Variants in FBXO4 observed in about 807,000 individuals in gnomAD.
The protein encoded by FBXO4 is F-box only protein 4.
In FBXO4, 36 loss-of-function variants were observed where a neutral mutation model predicts 43.7. The observed-to-expected ratio is 0.82, with a 90% CI of 0.63 to 1.09. FBXO4 has a LOEUF of 1.09. FBXO4 is among the 50% of genes least tolerant of loss of function. The pLI is 0.00. For synonymous variants in FBXO4, 180 were observed against 165.6 expected (o/e 1.09, Z -0.67); for missense variants, 435 against 474.1 (o/e 0.92, Z 0.77).
the FBXO4 span, among the ~76,000 whole-genome samples, chr5:42,003,037 T>C: frequency 6.6e-6 from 1 of 152,222 alleles, no homozygotes; most frequent in East Asian, 1.9e-4. Flanking sequence ...GATATGTTTT[T>C]GTAACGTAAC....
At chr5:41,990,652 G>T in the FBXO4 span, among the ~76,000 whole-genome samples, 18 of 152,126 alleles carry the variant, frequency 1.2e-4, 1 homozygote, top group Admixed American at 7.2e-4. Flanking sequence ...ATTTTGGACA[G>T]CATTGTAGAT....
intron 3 of FBXO4, among the ~76,000 whole-genome samples, 160 bp from the exon 4 acceptor site, chr5:41,933,786 G>A (rs1296764063): frequency 6.6e-6 from 1 of 151,804 alleles, no homozygotes; most frequent in Non-Finnish European, 1.5e-5. Flanking sequence ...AGTTACATAC[G>A]GTATCTTTTC....
the FBXO4 span, among the ~76,000 whole-genome samples, chr5:41,984,294 G>A: frequency 3.5e-4 from 53 of 152,108 alleles, no homozygotes; most frequent in East Asian, 1.9e-4. Flanking sequence ...ATCTGATAAT[G>A]TTAGCTAGAT....
the FBXO4 span, among the ~76,000 whole-genome samples, chr5:41,958,113 A>C: frequency 4.0e-5 from 6 of 151,800 alleles, no homozygotes; most frequent in Non-Finnish European, 8.8e-5. Context: ...AGAATTCTTA[A>C]ATCTAGTCTG....
rs1168595257 is a variant in FBXO4 at position 41,925,364 on chromosome 5, G to T, written c.55G>T (p.Asp19Tyr). 8.0e-6 allele frequency: 11 copies of T among 1,374,360 alleles called. No homozygotes were observed. The highest frequency in any genetic ancestry group is 3.9e-5 in the Admixed American group (1 of 25,702). 85.1% of individuals were successfully genotyped at this position (1,374,360 alleles called of 1,614,324 possible). The change falls in exon 1 of 7, where the codon GAC becomes TAC. Residue 19 changes from aspartate to tyrosine, a missense_variant. Transcript: ENST00000281623. ...GTNSPPPPFS[D>Y]WGRLEAAILS... ...AAACTCGCCGCCGCCGCCCTTCAGCGACTGGGGCCGCCTGGAGGCGGCCAT... is the reference window on the plus strand; with the variant it reads ...AAACTCGCCGCCGCCGCCCTTCAGCTACTGGGGCCGCCTGGAGGCGGCCAT...
At chr5:41,986,164 T>C in the FBXO4 span, among the ~76,000 whole-genome samples, 1 of 152,128 alleles carries the variant, frequency 6.6e-6, no homozygotes, top group Non-Finnish European at 1.5e-5. Flanking sequence ...ATGCTTGAGG[T>C]AGTTCAAAGA....
the FBXO4 span, among the ~76,000 whole-genome samples, chr5:42,014,669 TAGAG>T: frequency 3.9e-5 from 6 of 152,122 alleles, no homozygotes; most frequent in African/African-American, 1.4e-4. Context: ...GCCTGGCCCT[TAGAG>T]AGCACACAAT....
chr5:41,950,068 G>A, the FBXO4 span, among the ~76,000 whole-genome samples: 1 of 152,150 alleles, frequency 6.6e-6, no homozygotes, highest in Non-Finnish European at 1.5e-5. Flanking sequence ...ATTAACTCAA[G>A]ATGGATTAAA....
the FBXO4 span, among the ~76,000 whole-genome samples, chr5:41,951,125 C>T: frequency 7.9e-5 from 12 of 152,028 alleles, no homozygotes; most frequent in African/African-American, 1.4e-4. Context: ...GACTGGTTGA[C>T]GGGTGCAGCA....
chr5:42,003,269 A>G, the FBXO4 span, among the ~76,000 whole-genome samples: 1 of 152,204 alleles, frequency 6.6e-6, no homozygotes, highest in Non-Finnish European at 1.5e-5. Flanking sequence ...TTATCTTGGG[A>G]TCACCTCTTG....
chr5:41,983,718 C>T, the FBXO4 span, among the ~76,000 whole-genome samples: 1 of 151,976 alleles, frequency 6.6e-6, no homozygotes, highest in Non-Finnish European at 1.5e-5. Flanking sequence ...TATGTCTGTT[C>T]ATTATATTTC....
Position 41,934,277 on chromosome 5 carries a change from C to A in FBXO4, c.867C>A (p.Phe289Leu). Residue 289 changes from phenylalanine (F) to leucine (L), a missense_variant, in exon 5 of 7, where the codon TTC becomes TTA. Physicochemically the swap from Phe to Leu is conservative, Grantham distance 22. Coordinates refer to ENST00000281623, the MANE Select transcript of FBXO4 (RefSeq NM_012176.3). ...AAGTGTGTGAAGTTGTAGATGGGTT[C>A]ATCTATGTTGCAAATGCTGAAGCTC... Reference protein sequence around the residue: ...IQKVCEVVDGFIYVANAEAHK... With the variant: ...IQKVCEVVDGLIYVANAEAHK... The A allele has an allele frequency of 6.2e-7, 1 of 1,614,100 alleles. No homozygotes were observed. Among genetic ancestry groups the A allele is most frequent in the Non-Finnish European group, 8.5e-7 (1 of 1,180,010 alleles).
chr5:41,953,088 T>C, the FBXO4 span, among the ~76,000 whole-genome samples: 1 of 152,034 alleles, frequency 6.6e-6, no homozygotes, highest in South Asian at 2.1e-4. Flanking sequence ...GCTGGTGTGC[T>C]GCACCCATTA....
chr5:42,004,186 C>T, the FBXO4 span, among the ~76,000 whole-genome samples: 1 of 152,140 alleles, frequency 6.6e-6, no homozygotes, highest in Admixed American at 6.6e-5. Context: ...TTTTATCACC[C>T]ATTTCCTTCC....
Position 41,925,434 on chromosome 5 carries a change from G to C in FBXO4, c.125G>C (p.Arg42Thr). The C allele has an allele frequency of 1.5e-6, 2 of 1,373,202 alleles. No individual in the cohort carries two copies. The highest frequency in any genetic ancestry group is 1.9e-6 in the Non-Finnish European group (2 of 1,056,758). 85.1% of individuals were successfully genotyped at this position (1,373,202 alleles called of 1,614,324 possible). The change falls in exon 1 of 7, where the codon AGG (arginine) becomes ACG (threonine). Residue 42 changes from arginine to threonine, a missense_variant. Coordinates refer to ENST00000281623, the MANE Select transcript of FBXO4 (RefSeq NM_012176.3). ...TTCTGGCAGTCAGTGAGCAAGGAGA[G>C]GGTGGCGCGTACGACCTCACGGGAG... ...KTFWQSVSKE[R>T]VARTTSREEV...
chr5:41,955,975 G>GT, the FBXO4 span, among the ~76,000 whole-genome samples: 1 of 152,048 alleles, frequency 6.6e-6, no homozygotes, highest in Admixed American at 6.6e-5. Context: ...ATGGATTAAA[G>GT]TTTTTCTAAT....
chr5:42,037,282 A>G, the FBXO4 span, among the ~76,000 whole-genome samples: 1 of 152,042 alleles, frequency 6.6e-6, no homozygotes, highest in East Asian at 1.9e-4. Flanking sequence ...ATGAGAGGCA[A>G]GGTTATGAGC....
the FBXO4 span, among the ~76,000 whole-genome samples, chr5:42,018,724 T>A: frequency 3.3e-5 from 5 of 152,186 alleles, no homozygotes; most frequent in African/African-American, 9.6e-5. Context: ...CCCAAAAGCA[T>A]TGAGTTTAAC....
At chr5:42,007,426 A>T in the FBXO4 span, among the ~76,000 whole-genome samples, 1 of 152,128 alleles carries the variant, frequency 6.6e-6, no homozygotes, top group African/African-American at 2.4e-5. Context: ...TAAGACGTGT[A>T]AATTTGCAAA....
Sources: gnomAD v4.1 joint callset for allele counts (sites outside exome capture counted in the v4.1 genomes callset) on GRCh38, gnomAD v4.1.1 for gene constraint, MANE v1.5 for transcripts, NCBI Gene and HGNC (gene_info 2026-07-23, HGNC 2026-07-21) for gene names.